Variants in RHEX observed in about 807,000 individuals in gnomAD.
The protein encoded by RHEX is regulator of hemoglobinization and erythroid cell expansion.
A neutral mutation model predicts 20.1 loss-of-function variants in RHEX; 18 were observed. The ratio of observed to expected loss-of-function variants is 0.90; its 90% CI spans 0.62 to 1.33. The LOEUF is 1.33. Ranked by LOEUF, RHEX falls within the 40% of genes most tolerant of loss-of-function variation. The probability of loss-of-function intolerance (pLI) is 0.00; values close to 1 mark genes in which losing one functional copy is unlikely to be tolerated. For synonymous variants in RHEX, 87 were observed against 77.1 expected, an observed-to-expected ratio of 1.13 and a Z score of -0.67; for missense variants, 192 against 214.3, an observed-to-expected ratio of 0.90 and a Z score of 0.65.
chr1:206,064,266 G>A (rs1196719275), intron 1 of RHEX, among the ~76,000 whole-genome samples: 4 of 145,402 alleles, frequency 2.8e-5, no homozygotes, highest in Admixed American at 1.3e-4. Flanking sequence ...GAGGTGGGGG[G>A]GGTCAGCCCC....
chr1:206,101,178 G>T lies in RHEX; in HGVS notation c.299G>T (p.Ser100Ile). The T allele has an allele frequency of 6.2e-7, 1 of 1,612,810 alleles. No individual in the cohort carries two copies. The highest frequency in any genetic ancestry group is 1.7e-5 in the Admixed American group (1 of 59,680). The change falls in exon 5 of 6, where the codon AGT becomes ATT. Residue 100 changes from serine to isoleucine, a missense_variant. Coordinates refer to ENST00000331555, the MANE Select transcript of RHEX (RefSeq NM_001007544.4). ...TCAGATAGCTTGGATAGCTCCTGCA[G>T]TTCGCCTCCTGCCTGCCAGGTAATG... ...TPSDSLDSSC[S>I]SPPACQATED...
intron 1 of RHEX, among the ~76,000 whole-genome samples, chr1:206,062,735 G>C (rs1481251261): frequency 3.3e-5 from 5 of 152,198 alleles, no homozygotes; most frequent in Non-Finnish European, 5.9e-5. Context: ...CGGGGGAGGA[G>C]TGCCAAGCGG....
intron 1 of RHEX, among the ~76,000 whole-genome samples, chr1:206,066,978 C>T (rs868981259): frequency 3.9e-5 from 6 of 152,164 alleles, no homozygotes; most frequent in South Asian, 2.1e-4. Flanking sequence ...CAGGACAGGA[C>T]GGAATTCTTT....
intron 1 of RHEX, among the ~76,000 whole-genome samples, chr1:206,073,605 G>A (rs1441259588): frequency 6.6e-6 from 1 of 151,944 alleles, no homozygotes; most frequent in Admixed American, 6.6e-5. Flanking sequence ...TGCATACTGG[G>A]CCCCGTGTTC....
chr1:206,080,616 T>G lies in RHEX; in HGVS notation c.-96-17117T>G, dbSNP rs150631966. ...AAGAGCTTCCTGTTGATGTTACAGA[T>G]GTTATAACTTCACTTATCACTGTTT... On this transcript the variant is annotated intron_variant, in intron 1 of 5. Coordinates refer to ENST00000331555, the MANE Select transcript of RHEX (RefSeq NM_001007544.4). 1.8e-3 allele frequency among the ~76,000 whole-genome samples: 273 copies of G among 152,246 alleles called. 2 individuals carry two copies. The highest frequency in any genetic ancestry group is 6.2e-3 in the African/African-American group (259 of 41,532).
chr1:206,066,841 GA>G (rs1433347891), intron 1 of RHEX, among the ~76,000 whole-genome samples: 2 of 152,208 alleles, frequency 1.3e-5, no homozygotes, highest in African/African-American at 4.8e-5. Flanking sequence ...CATATTTGTA[GA>G]AACAGTATTA....
At chr1:206,083,576 A>T in intron 1 of RHEX, 1 of 985,446 alleles carries the variant, frequency 1.0e-6, no homozygotes, top group Non-Finnish European at 1.2e-6. Context: ...GGGCTGGAGA[A>T]GGGTCGGGGA....
rs1663207649 is a variant in RHEX at position 206,102,275 on chromosome 1, A to G, written c.*323A>G. 2 of 324,512 alleles carry G rather than the reference A, an allele frequency of 6.2e-6. No individual in the cohort carries two copies. Among genetic ancestry groups the G allele is most frequent in the East Asian group, 6.0e-5 (1 of 16,582 alleles). The allele number at this position is 324,512 out of a possible 1,614,324, so 20.1% of individuals were successfully genotyped here. A position where few individuals can be genotyped will look rare whatever the true frequency, so the allele number is the denominator to read the frequency against. On this transcript the variant is annotated 3_prime_UTR_variant, in exon 6 of 6. Transcript: ENST00000331555. ...GTAAAGTATGAGAACTATGGAGTCCATCAGCAGAGATAGTAGTGAAGTCTC... is the reference window on the plus strand; with the variant it reads ...GTAAAGTATGAGAACTATGGAGTCCGTCAGCAGAGATAGTAGTGAAGTCTC...
chr1:206,069,986 T>A (rs993318610), intron 1 of RHEX, among the ~76,000 whole-genome samples: 7 of 151,876 alleles, frequency 4.6e-5, no homozygotes, highest in Admixed American at 1.3e-4. Flanking sequence ...TATGTATAAA[T>A]TCACCGTTAC....
At chr1:206,095,351 G>A (rs535072235) in intron 1 of RHEX, among the ~76,000 whole-genome samples, 1 of 151,582 alleles carries the variant, frequency 6.6e-6, no homozygotes, top group East Asian at 1.9e-4. Flanking sequence ...GGTTTTTCCT[G>A]ACCAAAAAAA....
At position 206,054,097 on chromosome 1, in the gene RHEX, TA is replaced by T. The variant is rs72482039; in HGVS notation, c.-97+846del. Among the ~76,000 whole-genome samples, 999 of 131,696 alleles carry T rather than the reference TA, an allele frequency of 7.6e-3. 3 individuals carry two copies. Among genetic ancestry groups the T allele is most frequent in the African/African-American group, 0.013 (446 of 33,534 alleles). 86.4% of individuals were successfully genotyped at this position (131,696 alleles called of 152,430 possible). A position where few individuals can be genotyped will look rare whatever the true frequency, so the allele number is the denominator to read the frequency against. On this transcript the variant is annotated intron_variant, in intron 1 of 5. Coordinates refer to ENST00000331555, the MANE Select transcript of RHEX (RefSeq NM_001007544.4). Reference sequence around the variant, plus strand: ...CCAAAGGCATAAAGAAAGTTTGCTTTAAAAAAAAAAAAAAGGAATGGTTATC... The same window carrying T: ...CCAAAGGCATAAAGAAAGTTTGCTTTAAAAAAAAAAAAAGGAATGGTTATC...
At chr1:206,083,064 A>G (rs955610931) in intron 1 of RHEX, among the ~76,000 whole-genome samples, 2 of 152,192 alleles carry the variant, frequency 1.3e-5, no homozygotes, top group African/African-American at 4.8e-5. Context: ...ATTCTTATCT[A>G]TTGCCCAACG....
chr1:206,101,311 T>C, intron 5 of RHEX, 114 bp downstream of exon 5: 1 of 829,758 alleles, frequency 1.2e-6, no homozygotes, highest in Non-Finnish European at 2.0e-6. Context: ...GAAAAGAGGG[T>C]TTCTTGAGTC....
intron 1 of RHEX, among the ~76,000 whole-genome samples, chr1:206,057,224 C>G (rs558112207): frequency 6.6e-6 from 1 of 152,370 alleles, no homozygotes; most frequent in Non-Finnish European, 1.5e-5. Context: ...CTCTACAAGT[C>G]GCCTATGTCA....
At chr1:206,090,999 C>T (rs1662939010) in intron 1 of RHEX, among the ~76,000 whole-genome samples, 1 of 152,148 alleles carries the variant, frequency 6.6e-6, no homozygotes, top group African/African-American at 2.4e-5. Flanking sequence ...ATGAATTTGA[C>T]TTCTCCTTGC....
chr1:206,064,708 T>G (rs1256764311), intron 1 of RHEX, among the ~76,000 whole-genome samples: 1 of 149,790 alleles, frequency 6.7e-6, no homozygotes, highest in Non-Finnish European at 1.5e-5. Flanking sequence ...GAGGGGTGCC[T>G]CTGCCCGGCC....
intron 1 of RHEX, among the ~76,000 whole-genome samples, chr1:206,064,244 C>T: frequency 6.8e-6 from 1 of 147,652 alleles, no homozygotes; most frequent in African/African-American, 2.6e-5. Context: ...GGCAGCCACC[C>T]CGTCCGGGAG....
At chr1:206,098,626 C>T (rs28540967) in intron 3 of RHEX, 1 of 156,798 alleles carries the variant, frequency 6.4e-6, no homozygotes, top group East Asian at 1.8e-4. Context: ...TAGTGAAGCT[C>T]GGTCCTGGAA....
At chr1:206,060,263 T>TG (rs1553283181) in intron 1 of RHEX, 1 of 152,244 alleles carries the variant, frequency 6.6e-6, no homozygotes, top group Non-Finnish European at 1.5e-5. Context: ...ATAATGAATG[T>TG]GCCCAATATA....
Sources: gnomAD v4.1 joint callset for allele counts (sites outside exome capture counted in the v4.1 genomes callset) on GRCh38, gnomAD v4.1.1 for gene constraint, MANE v1.5 for transcripts, NCBI Gene and HGNC (gene_info 2026-07-23, HGNC 2026-07-21) for gene names.